NCAM1: variants seen among roughly 807,000 people sequenced by gnomAD.
NCAM1 encodes the protein antigen recognized by monoclonal antibody 5.1H11.
NCAM1 carries 14 observed loss-of-function variants against 109.8 expected under a neutral mutation model. That is an observed-to-expected ratio of 0.13 (90% CI 0.08 to 0.20). The LOEUF (loss-of-function observed/expected upper bound fraction) is 0.20. NCAM1 is among the 10% of genes least tolerant of loss of function. The probability of loss-of-function intolerance (pLI) is 1.00; values close to 1 mark genes in which losing one functional copy is unlikely to be tolerated. For missense variants in NCAM1, 774 were observed against 1,109.9 expected (o/e 0.70, Z 4.30); for synonymous variants, 418 against 442.9 (o/e 0.94, Z 0.70).
intron 1 of NCAM1, among the ~76,000 whole-genome samples, chr11:113,145,602 G>T (rs575101339): frequency 6.6e-6 from 1 of 152,070 alleles, no homozygotes; most frequent in African/African-American, 2.4e-5. Context: ...CTGTCTATCC[G>T]TAGTCTTCTT....
rs781814795 is a variant in NCAM1, at chr11:113,214,463, C to G, written c.1011C>G (p.Pro337=). The change falls in exon 8 of 20, where the codon CCC becomes CCG. Residue 337 remains proline, a synonymous_variant. Coordinates refer to ENST00000316851, the MANE Select transcript of NCAM1 (RefSeq NM_181351.5). ...GTGAAGCCTCCGGAGACCCCATTCC[C>G]TCCATCACCTGGAGGACTTCTACCC... ...LTCEASGDPI[P]SITWRTSTRN... 1.2e-6 allele frequency: 2 copies of G among 1,612,906 alleles called. No individual in the cohort carries two copies. The highest frequency in any genetic ancestry group is 1.7e-6 in the Non-Finnish European group (2 of 1,179,396).
rs1298764507 is a variant in NCAM1, at chr11:112,962,808, G to A, written c.52+1144G>A. On this transcript the variant is annotated intron_variant, in intron 1 of 19. Transcript: ENST00000316851. This position sits in a 1 kb window ranked among gnomAD's most constrained non-coding sequence, Gnocchi z 5.6. ...TTTGCGCTTTGGCTCTGATGGACGGGAGGGAAGGAAGAAAAGCAGGGGCCG... is the reference window on the plus strand; with the variant it reads ...TTTGCGCTTTGGCTCTGATGGACGGAAGGGAAGGAAGAAAAGCAGGGGCCG... Among the ~76,000 whole-genome samples the A allele has an allele frequency of 1.3e-5, 2 of 152,254 alleles. No individual in the cohort carries two copies. The highest frequency in any genetic ancestry group is 4.8e-5 in the African/African-American group (2 of 41,564).
At chr11:113,030,726 T>A (rs902924076) in intron 1 of NCAM1, among the ~76,000 whole-genome samples, 2 of 152,194 alleles carry the variant, frequency 1.3e-5, no homozygotes, top group Non-Finnish European at 2.9e-5. Context: ...ACTTGAATTC[T>A]TGCAATATAT....
intron 1 of NCAM1, among the ~76,000 whole-genome samples, chr11:112,992,143 G>A (rs1454379666): frequency 1.3e-5 from 2 of 151,970 alleles, no homozygotes; most frequent in Non-Finnish European, 2.9e-5. Context: ...TCCTCCCAAG[G>A]TTTCCTTTCT....
chr11:113,106,663 G>A (rs1171794990), intron 1 of NCAM1, among the ~76,000 whole-genome samples: 4 of 152,176 alleles, frequency 2.6e-5, no homozygotes, highest in African/African-American at 9.7e-5. Context: ...AAACTGAACC[G>A]TGGCTCTTGG....
chr11:113,181,760 A>G (rs2136592035), intron 1 of NCAM1, among the ~76,000 whole-genome samples: 1 of 152,272 alleles, frequency 6.6e-6, no homozygotes, highest in Middle Eastern at 3.4e-3. Flanking sequence ...CCGAAAGAGG[A>G]CTGGACCTCA....
chr11:113,225,201 T>A (rs1337869939), intron 9 of NCAM1, among the ~76,000 whole-genome samples: 1 of 151,986 alleles, frequency 6.6e-6, no homozygotes, highest in Non-Finnish European at 1.5e-5. Context: ...ATTAGACAAA[T>A]GGCTAACTAG....
intron 1 of NCAM1, among the ~76,000 whole-genome samples, chr11:112,974,256 C>G (rs56774859): frequency 0.14 from 20,775 of 152,034 alleles, 1,784 homozygotes; most frequent in South Asian, 0.4. Flanking sequence ...GAGTTCATAA[C>G]ATTTCTCTTG....
intron 14 of NCAM1, among the ~76,000 whole-genome samples, chr11:113,244,684 TGTGG>T (rs1477578561): frequency 6.4e-5 from 8 of 125,648 alleles, no homozygotes; most frequent in Non-Finnish European, 8.9e-5. Context: ...TGTGTGTGTG[TGTGG>T]ACCCATTTAT....
At chr11:112,999,563 A>AT (rs1274779531) in intron 1 of NCAM1, among the ~76,000 whole-genome samples, 6 of 151,942 alleles carry the variant, frequency 3.9e-5, no homozygotes, top group Non-Finnish European at 7.4e-5. Context: ...TTTTGCAGAG[A>AT]TTTTTTTTAA....
rs544523860 is a variant in NCAM1, at chr11:113,013,162, C to T, written c.52+51498C>T. On this transcript the variant is annotated intron_variant, in intron 1 of 19. Coordinates refer to ENST00000316851, the MANE Select transcript of NCAM1 (RefSeq NM_181351.5). The stretch of plus-strand genomic sequence containing the variant: ...CAAAAGAAGGCGGGGTGCAGAGGCT[C>T]ACACCTGTAATACCAGCACTTTGGG... 4.3e-4 allele frequency among the ~76,000 whole-genome samples: 65 copies of T among 152,024 alleles called. No homozygotes were observed. In the South Asian group the frequency reaches 5.8e-3, roughly 14 times the overall value.
chr11:113,049,154 G>T (rs1953374466), intron 1 of NCAM1, among the ~76,000 whole-genome samples: 1 of 152,146 alleles, frequency 6.6e-6, no homozygotes, highest in Non-Finnish European at 1.5e-5. Flanking sequence ...GAACTTGATA[G>T]AGGTGGTGAT....
intron 15 of NCAM1, among the ~76,000 whole-genome samples, chr11:113,247,105 G>C (rs1018230613): frequency 6.6e-6 from 1 of 152,192 alleles, no homozygotes; most frequent in African/African-American, 2.4e-5. Context: ...GCCTAATTAA[G>C]TGCATAGCGG....
intron 18 of NCAM1, 40 bp from the exon 19 acceptor site, chr11:113,271,720 C>T (rs1299388514): frequency 1.0e-5 from 15 of 1,483,320 alleles, no homozygotes; most frequent in Non-Finnish European, 1.4e-5. Flanking sequence ...CCCCTCCCTG[C>T]AGCTGCCCTA....
intron 1 of NCAM1, among the ~76,000 whole-genome samples, chr11:113,156,769 C>T (rs1942421466): frequency 6.6e-6 from 1 of 152,028 alleles, no homozygotes; most frequent in South Asian, 2.1e-4. Context: ...GCTGTGTACC[C>T]TATTCCTCTG....
intron 1 of NCAM1, among the ~76,000 whole-genome samples, chr11:112,990,648 C>T (rs1555070433): frequency 1.3e-5 from 2 of 152,126 alleles, no homozygotes; most frequent in African/African-American, 4.8e-5. Context: ...GAGCTGAGGT[C>T]TGTAGGTTTA....
chr11:113,259,267 G>A (rs1945916398), intron 16 of NCAM1, among the ~76,000 whole-genome samples: 1 of 151,830 alleles, frequency 6.6e-6, no homozygotes, highest in Non-Finnish European at 1.5e-5. Context: ...TAGCCGGGAT[G>A]GTCTCGATCT....
chr11:113,086,770 C>G (rs2135725569), intron 1 of NCAM1, among the ~76,000 whole-genome samples: 1 of 152,116 alleles, frequency 6.6e-6, no homozygotes, highest in East Asian at 1.9e-4. Context: ...GAAACTTAGA[C>G]AAATTTCCAG....
At chr11:113,102,915 A>G (rs1283612468) in intron 1 of NCAM1, among the ~76,000 whole-genome samples, 1 of 152,232 alleles carries the variant, frequency 6.6e-6, no homozygotes, top group African/African-American at 2.4e-5. Flanking sequence ...TCATAAGAAC[A>G]AAAACATACT....
Sources: gnomAD v4.1 joint callset for allele counts (sites outside exome capture counted in the v4.1 genomes callset) on GRCh38, gnomAD v4.1.1 for gene constraint, Gnocchi (gnomAD v3.1) non-coding constraint, MANE v1.5 for transcripts, NCBI Gene and HGNC (gene_info 2026-07-23, HGNC 2026-07-21) for gene names.